WDR72: variants seen among roughly 807,000 people sequenced by gnomAD.
WDR72 encodes the protein WD repeat domain 72.
Under a neutral mutation model 124.2 loss-of-function variants are expected in WDR72, and 120 were observed. The ratio of observed to expected loss-of-function variants is 0.97; its 90% confidence interval spans 0.83 to 1.12. WDR72 has a LOEUF of 1.12. WDR72 is among the 50% of genes most tolerant of loss of function. WDR72 has a pLI of 0.00. For missense variants in WDR72, 1,387 were observed against 1,278.8 expected (o/e 1.08, Z -1.29); for synonymous variants, 452 against 441.7 (o/e 1.02, Z -0.29).
At chr15:53,758,628 A>G (rs1307568669) in intron 1 of WDR72, among the ~76,000 whole-genome samples, 2 of 152,070 alleles carry the variant, frequency 1.3e-5, no homozygotes, top group Non-Finnish European at 2.9e-5. Context: ...GTAAGTGGTG[A>G]GAGCTGAACA....
intron 18 of WDR72, among the ~76,000 whole-genome samples, chr15:53,593,265 A>G (rs1018285246): frequency 1.3e-5 from 2 of 152,068 alleles, no homozygotes; most frequent in Non-Finnish European, 2.9e-5. Flanking sequence ...TTAGCAAATT[A>G]TTTGATTTTT....
intron 16 of WDR72, among the ~76,000 whole-genome samples, chr15:53,610,069 C>G (rs1047796437): frequency 6.6e-6 from 1 of 152,032 alleles, no homozygotes; most frequent in African/African-American, 2.4e-5. Context: ...TCAAAGACTT[C>G]CTTTGATTTG....
At chr15:53,711,017 C>T in intron 8 of WDR72, 64 bp from the exon 9 acceptor site, 1 of 1,393,674 alleles carries the variant, frequency 7.2e-7, no homozygotes, top group South Asian at 1.2e-5. Flanking sequence ...TTTTTTTCCC[C>T]CTCCCACTTT....
chr15:53,532,382 G>C (rs1892529604), intron 18 of WDR72, among the ~76,000 whole-genome samples: 1 of 152,054 alleles, frequency 6.6e-6, no homozygotes, highest in Non-Finnish European at 1.5e-5. Context: ...TCAAGATGTG[G>C]AATCAACCCA....
intron 14 of WDR72, among the ~76,000 whole-genome samples, chr15:53,643,112 C>A (rs2014913667): frequency 6.6e-6 from 1 of 151,922 alleles, no homozygotes; most frequent in Non-Finnish European, 1.5e-5. Flanking sequence ...CGAAAGAATT[C>A]TTCATAAATG....
chr15:53,737,878 AT>A (rs1567057610), intron 1 of WDR72, among the ~76,000 whole-genome samples: 1 of 152,206 alleles, frequency 6.6e-6, no homozygotes. Flanking sequence ...CGCATACAAC[AT>A]TTATAAAACT....
rs142468241 is a variant in WDR72, at chr15:53,699,920, C to A, written c.1595G>T (p.Cys532Phe). ...AGCCACGGAATGGTCACCGCACACA[C>A]AGCAAATTATCTGCTCACCCCTTAG... Reference protein sequence around the residue: ...FKLRGEQIICCVCGDHSVALL... With the variant: ...FKLRGEQIICFVCGDHSVALL... Residue 532 changes from cysteine to phenylalanine, a missense_variant, in exon 13 of 20, where the codon TGT (cysteine) becomes TTT (phenylalanine). Cys to Phe is a radical substitution (Grantham distance 205). Transcript: ENST00000360509. 2 of 1,614,102 alleles carry A rather than the reference C, an allele frequency of 1.2e-6. No individual in the cohort carries two copies. Among genetic ancestry groups the A allele is most frequent in the Non-Finnish European group, 1.7e-6 (2 of 1,180,052 alleles).
intron 13 of WDR72, among the ~76,000 whole-genome samples, chr15:53,696,889 C>T (rs2017019079): frequency 6.6e-6 from 1 of 152,190 alleles, no homozygotes; most frequent in African/African-American, 2.4e-5. Flanking sequence ...GGGCCACCAG[C>T]CACCTTCACA....
chr15:53,623,500 C>T (rs944965907), intron 14 of WDR72, among the ~76,000 whole-genome samples: 9 of 142,818 alleles, frequency 6.3e-5, no homozygotes, highest in African/African-American at 2.4e-4. Flanking sequence ...TATATACACA[C>T]ATACACATAC....
chr15:53,733,191 A>G, intron 1 of WDR72, 30 bp from the exon 2 acceptor site: 6 of 1,611,740 alleles, frequency 3.7e-6, no homozygotes, highest in Non-Finnish European at 5.1e-6. Context: ...AGAAGCATAC[A>G]TGGTCATCTT....
chr15:53,534,216 G>A (rs1892631029), intron 18 of WDR72, among the ~76,000 whole-genome samples: 2 of 152,098 alleles, frequency 1.3e-5, no homozygotes, highest in African/African-American at 4.8e-5. Flanking sequence ...ATGCTCATGG[G>A]ACAGCTAACT....
chr15:53,579,059 T>C (rs1391916968), intron 18 of WDR72, among the ~76,000 whole-genome samples: 1 of 152,084 alleles, frequency 6.6e-6, no homozygotes, highest in African/African-American at 2.4e-5. Context: ...TTGCATGGAC[T>C]CCTGATGAGG....
At chr15:53,697,801 C>T (rs568748089) in intron 13 of WDR72, among the ~76,000 whole-genome samples, 1 of 152,078 alleles carries the variant, frequency 6.6e-6, no homozygotes, top group South Asian at 2.1e-4. Flanking sequence ...ATATTAATAG[C>T]ACTTATTATT....
At chr15:53,741,057 C>T (rs561790359) in intron 1 of WDR72, among the ~76,000 whole-genome samples, 215 of 152,312 alleles carry the variant, frequency 1.4e-3, no homozygotes, top group African/African-American at 4.5e-3. Flanking sequence ...CTGACATCAA[C>T]TTCACTTTCA....
chr15:53,611,972 A>T (rs2013559121), intron 16 of WDR72, among the ~76,000 whole-genome samples: 2 of 152,238 alleles, frequency 1.3e-5, no homozygotes, highest in South Asian at 2.1e-4. Flanking sequence ...CATATGCTGC[A>T]CAGCTTTGGA....
intron 2 of WDR72, among the ~76,000 whole-genome samples, chr15:53,725,561 T>C (rs1027846651): frequency 4.7e-4 from 72 of 152,230 alleles, no homozygotes; most frequent in African/African-American, 1.7e-3. Flanking sequence ...AACCAAGATA[T>C]CCTTCAAGTG....
chr15:53,586,650 T>C (rs1303182040), intron 18 of WDR72, among the ~76,000 whole-genome samples: 1 of 152,078 alleles, frequency 6.6e-6, no homozygotes, highest in African/African-American at 2.4e-5. Flanking sequence ...ATACTCTTCA[T>C]TTAATCAGCC....
At chr15:53,619,213 TCTG>T (rs535679292) in intron 14 of WDR72, among the ~76,000 whole-genome samples, 13 of 151,894 alleles carry the variant, frequency 8.6e-5, no homozygotes, top group Non-Finnish European at 1.6e-4. Flanking sequence ...TGGATATGGC[TCTG>T]CTTTTTTATT....
chr15:53,530,449 G>A (rs1334186170), intron 18 of WDR72, among the ~76,000 whole-genome samples: 1 of 151,394 alleles, frequency 6.6e-6, no homozygotes, highest in South Asian at 2.1e-4. Flanking sequence ...AAAGTCGTTT[G>A]TTTTCTTTTT....
Sources: gnomAD v4.1 joint callset for allele counts (sites outside exome capture counted in the v4.1 genomes callset) on GRCh38, gnomAD v4.1.1 for gene constraint, MANE v1.5 for transcripts, NCBI Gene and HGNC (gene_info 2026-07-23, HGNC 2026-07-21) for gene names.